PDE1A: variants seen among roughly 807,000 people sequenced by gnomAD.
The protein encoded by PDE1A is dual specificity calcium/calmodulin-dependent 3',5'-cyclic nucleotide phosphodiesterase 1A.
PDE1A carries 35 observed loss-of-function variants against 61.7 expected under a neutral mutation model. The observed-to-expected ratio is 0.57, with a 90% CI of 0.43 to 0.75. PDE1A has a LOEUF of 0.75. Among genes scored for constraint, PDE1A ranks in the 30% least tolerant of loss-of-function variants. The pLI is 0.00. For missense variants in PDE1A, 597 were observed against 630.6 expected, an observed-to-expected ratio of 0.95 and a Z score of 0.57; for synonymous variants, 232 against 213.2, an observed-to-expected ratio of 1.09 and a Z score of -0.77.
chr2:182,161,088 G>A (rs1210156758), intron 13 of PDE1A, among the ~76,000 whole-genome samples: 2 of 152,244 alleles, frequency 1.3e-5, no homozygotes, highest in Non-Finnish European at 2.9e-5. Flanking sequence ...AGTTAGTTGG[G>A]TGCTCTTAAT....
the PDE1A span, among the ~76,000 whole-genome samples, chr2:182,560,054 G>C: frequency 2.0e-5 from 3 of 146,372 alleles, no homozygotes; most frequent in Non-Finnish European, 3.0e-5. Context: ...ATGAGGAAGA[G>C]ATAGGGATTC....
At chr2:182,632,368 AC>A in the PDE1A span, among the ~76,000 whole-genome samples, 1 of 152,198 alleles carries the variant, frequency 6.6e-6, no homozygotes, top group Non-Finnish European at 1.5e-5. Context: ...TTTAGCATCC[AC>A]CTGAGTAAAT....
chr2:182,179,011 C>G (rs1029180925), intron 13 of PDE1A, among the ~76,000 whole-genome samples: 1 of 152,102 alleles, frequency 6.6e-6, no homozygotes, highest in Non-Finnish European at 1.5e-5. Flanking sequence ...GCAATGCCAT[C>G]TAAAGAAGGA....
chr2:182,349,651 A>G (rs1462440831), intron 1 of PDE1A, among the ~76,000 whole-genome samples: 2 of 151,994 alleles, frequency 1.3e-5, no homozygotes, highest in Non-Finnish European at 1.5e-5. Context: ...AAACACAAAC[A>G]TCGGAGGCTG....
At chr2:182,176,855 G>C (rs1238518300) in intron 13 of PDE1A, among the ~76,000 whole-genome samples, 1 of 150,486 alleles carries the variant, frequency 6.6e-6, no homozygotes, top group African/African-American at 2.5e-5. Context: ...TTTGAAATAC[G>C]TCCCATCAAT....
chr2:182,676,227 G>A, the PDE1A span, among the ~76,000 whole-genome samples: 3 of 151,874 alleles, frequency 2.0e-5, no homozygotes, highest in Non-Finnish European at 2.9e-5. Flanking sequence ...AATGACAAAC[G>A]GGACATTACC....
chr2:182,582,600 G>A, the PDE1A span, among the ~76,000 whole-genome samples: 25 of 152,256 alleles, frequency 1.6e-4, no homozygotes, highest in African/African-American at 4.1e-4. Context: ...AGTGCCACTC[G>A]GGCCAAGGGG....
chr2:182,375,964 G>A (rs538696440), intron 1 of PDE1A, among the ~76,000 whole-genome samples: 1 of 152,308 alleles, frequency 6.6e-6, no homozygotes, highest in South Asian at 2.1e-4. Context: ...CAAAGCTGGA[G>A]TGACTAGGAC....
At chr2:182,260,925 C>T (rs1414791770) in intron 2 of PDE1A, among the ~76,000 whole-genome samples, 2 of 152,220 alleles carry the variant, frequency 1.3e-5, no homozygotes, top group Admixed American at 1.3e-4. Context: ...CTTCAACTCC[C>T]TGTCTTCCCT....
In PDE1A at chr2:182,489,155, A is replaced by G. The variant is rs1688217669; in HGVS notation, c.101+33121T>C. Among the ~76,000 whole-genome samples the G allele has an allele frequency of 2.6e-5, 4 of 152,340 alleles. No homozygotes were observed. The South Asian group carries it at 8.3e-4, about 32-fold the overall frequency. ...AGGTGAGAGGGTGCACTATGAATGT[A>G]TCTCAGACAAGAGTGTACCAGGAAG... On this transcript the variant is annotated intron_variant, in intron 2 of 14. Transcript: ENST00000410103.
intron 13 of PDE1A, among the ~76,000 whole-genome samples, chr2:182,161,171 TACC>T: frequency 6.6e-6 from 1 of 152,108 alleles, no homozygotes; most frequent in East Asian, 1.9e-4. Context: ...TGCATATACA[TACC>T]CTAAAAATTT....
chr2:182,210,499 TGTTA>T (rs1276530934), intron 7 of PDE1A, among the ~76,000 whole-genome samples: 3 of 152,224 alleles, frequency 2.0e-5, no homozygotes, highest in Non-Finnish European at 4.4e-5. Context: ...TAAATTAGGT[TGTTA>T]GTTTTCTTAT....
At chr2:182,356,859 T>C (rs1161397798) in intron 1 of PDE1A, among the ~76,000 whole-genome samples, 6 of 152,028 alleles carry the variant, frequency 3.9e-5, no homozygotes, top group Non-Finnish European at 7.4e-5. Context: ...CCGTAAGAAA[T>C]GATGAGTTAA....
At chr2:182,198,741 ATTTCTC>A (rs1462251573) in intron 10 of PDE1A, among the ~76,000 whole-genome samples, 2 of 151,838 alleles carry the variant, frequency 1.3e-5, no homozygotes, top group African/African-American at 4.8e-5. Context: ...TTAAAAAAAA[ATTTCTC>A]TTTCAGTTTT....
chr2:182,356,787 T>G (rs1487960380), intron 1 of PDE1A, among the ~76,000 whole-genome samples: 1 of 152,098 alleles, frequency 6.6e-6, no homozygotes, highest in African/African-American at 2.4e-5. Flanking sequence ...AACCCAAATG[T>G]CTAACAATGA....
At chr2:182,359,077 C>T (rs903699520) in intron 1 of PDE1A, among the ~76,000 whole-genome samples, 2 of 151,852 alleles carry the variant, frequency 1.3e-5, no homozygotes, top group African/African-American at 4.8e-5. Context: ...TAACATGTAG[C>T]TGTGGATGTT....
chr2:182,487,768 G>A (rs1440776791), intron 2 of PDE1A, among the ~76,000 whole-genome samples: 1 of 152,034 alleles, frequency 6.6e-6, no homozygotes, highest in African/African-American at 2.4e-5. Flanking sequence ...TATTTAAAAG[G>A]ATAAATTTTA....
chr2:182,364,492 A>AAAAAAAAAAAC lies in PDE1A; in HGVS notation c.53+62085_53+62086insGTTTTTTTTTT, dbSNP rs1559379282. Among the ~76,000 whole-genome samples, 2 of 145,048 alleles carry AAAAAAAAAAAC rather than the reference A, an allele frequency of 1.4e-5. 1 individual carries two copies. The highest frequency in any genetic ancestry group is 3.0e-5 in the Non-Finnish European group (2 of 66,298). Reference sequence around the variant, plus strand: ...AAAAAAAAAAAAAAAAAAAAAAAAAAAAAAAAACCTTATTCTGAATTATTT... The same window carrying AAAAAAAAAAAC: ...AAAAAAAAAAAAAAAAAAAAAAAAAAAAAAAAAAAACAAAAAAACCTTATTCTGAATTATTT... On this transcript the variant is annotated intron_variant, in intron 1 of 13. Transcript: ENST00000351439.
the PDE1A span, among the ~76,000 whole-genome samples, chr2:182,712,118 G>A: frequency 2.6e-5 from 4 of 152,288 alleles, no homozygotes; most frequent in South Asian, 2.1e-4. Flanking sequence ...AAATCTAATC[G>A]TGAGGAAACA....
Sources: allele counts gnomAD v4.1 joint callset (sites outside exome capture counted in the v4.1 genomes callset), GRCh38; gene constraint gnomAD v4.1.1; transcripts MANE v1.5; gene names NCBI Gene and HGNC (gene_info 2026-07-23, HGNC 2026-07-21).